The following DRC1 variants were observed in gnomAD, a reference collection of about 807,000 sequenced individuals.
DRC1 encodes the protein dynein regulatory complex protein 1.
Under a neutral mutation model 98.7 loss-of-function variants are expected in DRC1, and 74 were observed. That is an observed-to-expected ratio of 0.75 (90% CI 0.62 to 0.91). DRC1 has a LOEUF of 0.91. Ranked by LOEUF, DRC1 falls within the 40% of genes least tolerant of loss-of-function variation. The probability of loss-of-function intolerance (pLI) is 0.00; values close to 1 mark genes in which losing one functional copy is unlikely to be tolerated. For synonymous variants in DRC1, 336 were observed against 334.1 expected, an observed-to-expected ratio of 1.01 and a Z score of -0.06; for missense variants, 875 against 886.0, an observed-to-expected ratio of 0.99 and a Z score of 0.16.
intron 16 of DRC1, among the ~76,000 whole-genome samples, chr2:26,455,901 G>A (rs947400305): frequency 2.0e-5 from 3 of 151,500 alleles, no homozygotes; most frequent in African/African-American, 7.3e-5. Flanking sequence ...AGCTGGGGCT[G>A]TAGGCCAGGA....
intron 4 of DRC1, among the ~76,000 whole-genome samples, chr2:26,425,136 A>AT (rs1012268791): frequency 1.9e-4 from 29 of 152,134 alleles, no homozygotes; most frequent in African/African-American, 7.0e-4. Flanking sequence ...TGTTTCTGTG[A>AT]TTTTGACTAC....
rs373317143 is a variant in DRC1, at chr2:26,454,832, G to C, written c.2063+42G>C. ...TGGAGCAGGAGGGTGCTGGCGGGCA[G>C]GTGAGGAACGGTTGTTGGGAGCAGC... is the stretch of plus-strand genomic sequence containing the variant. On this transcript the variant is annotated intron_variant, in intron 15 of 16. Transcript: ENST00000288710. This position sits in a 1 kb window ranked among gnomAD's most constrained non-coding sequence, Gnocchi z 5.2. 2 of 1,611,996 alleles carry C rather than the reference G, an allele frequency of 1.2e-6. No individual in the cohort carries two copies. Among genetic ancestry groups the C allele is most frequent in the African/African-American group, 2.7e-5 (2 of 74,862 alleles).
chr2:26,430,885 G>A lies in DRC1; in HGVS notation c.765+13G>A. On this transcript the variant is annotated intron_variant, in intron 6 of 16. Transcript: ENST00000288710. ...TAATGCCAAAGAGGTAAAGGGTGGAGCCTGTCAAGAGTGATCCGTGGGGTC... is the reference window on the plus strand; with the variant it reads ...TAATGCCAAAGAGGTAAAGGGTGGAACCTGTCAAGAGTGATCCGTGGGGTC... The A allele has an allele frequency of 6.2e-7, 1 of 1,611,992 alleles. No individual in the cohort carries two copies. The highest frequency in any genetic ancestry group is 8.5e-7 in the Non-Finnish European group (1 of 1,178,870).
In DRC1 at chr2:26,443,673, T is replaced by A. The variant is rs192272129; in HGVS notation, c.1029-549T>A. On this transcript the variant is annotated intron_variant, in intron 8 of 16. Transcript: ENST00000288710. ...CATATCCTTGCGCAAAAGTGGCATT[T>A]CATGTTTGTTTAATGAATACGTGGA... 1.8e-3 allele frequency among the ~76,000 whole-genome samples: 278 copies of A among 152,382 alleles called. 1 individual carries two copies. The highest frequency in any genetic ancestry group is 0.014 in the Middle Eastern group (4 of 294).
intron 1 of DRC1, 147 bp downstream of exon 1, chr2:26,402,291 G>A: frequency 7.6e-7 from 1 of 1,315,988 alleles, no homozygotes. Flanking sequence ...GCGCGCGCCT[G>A]TCATCCCAGC....
intron 4 of DRC1, among the ~76,000 whole-genome samples, chr2:26,429,261 G>A (rs1461985215): frequency 3.3e-5 from 5 of 151,408 alleles, no homozygotes; most frequent in Admixed American, 3.3e-4. Flanking sequence ...CATCTCCCAG[G>A]CTGGTGTGCA....
rs1328116081 is a variant in DRC1 at position 26,447,713 on chromosome 2, C to T, written c.1397-978C>T. Among the ~76,000 whole-genome samples, 5 of 151,132 alleles carry T rather than the reference C, an allele frequency of 3.3e-5. No individual in the cohort carries two copies. In the East Asian group the frequency reaches 1.0e-3, roughly 31 times the overall value. Reference sequence around the variant, plus strand: ...TCCTGAGTAGCTGGGATTACAGGTGCGTGCCACCATGCCCAGCTAATTTTT... The same window carrying T: ...TCCTGAGTAGCTGGGATTACAGGTGTGTGCCACCATGCCCAGCTAATTTTT... On this transcript the variant is annotated intron_variant, in intron 10 of 16. Transcript: ENST00000288710.
chr2:26,436,455 G>A (rs1364733865), intron 7 of DRC1, among the ~76,000 whole-genome samples: 2 of 152,062 alleles, frequency 1.3e-5, no homozygotes, highest in Non-Finnish European at 2.9e-5. Flanking sequence ...GGGACTACAG[G>A]CACATGCCAC....
intron 1 of DRC1, among the ~76,000 whole-genome samples, chr2:26,402,753 T>A (rs964387327): frequency 6.6e-6 from 1 of 152,198 alleles, no homozygotes; most frequent in African/African-American, 2.4e-5. Flanking sequence ...TTGAATGACA[T>A]GGCAGTCCCT....
chr2:26,444,421 A>G lies in DRC1; in HGVS notation c.1163+65A>G, dbSNP rs116240421. ...TAGAGGTGACGGGGATGGAGTTTGT[A>G]CAAGCTGTGATTTCGTTGGACTTGA... On this transcript the variant is annotated intron_variant, in intron 9 of 16. Transcript: ENST00000288710. The G allele has an allele frequency of 7.7e-4, 1,214 of 1,569,786 alleles. 9 individuals are homozygous for G. In the African/African-American group the frequency reaches 0.015, roughly 20 times the overall value.
chr2:26,416,517 T>TAA (rs879918964), intron 2 of DRC1, among the ~76,000 whole-genome samples: 167 of 152,348 alleles, frequency 1.1e-3, no homozygotes, highest in Admixed American at 2.9e-3. Flanking sequence ...GATAGTCTTC[T>TAA]ATCGTTTCTT....
At chr2:26,425,755 T>G (rs1663267149) in intron 4 of DRC1, among the ~76,000 whole-genome samples, 1 of 152,230 alleles carries the variant, frequency 6.6e-6, no homozygotes, top group Non-Finnish European at 1.5e-5. Flanking sequence ...TTTGCTTATT[T>G]TTAAATTGGG....
chr2:26,422,395 G>A (rs1000235012), intron 3 of DRC1, among the ~76,000 whole-genome samples: 5 of 152,180 alleles, frequency 3.3e-5, no homozygotes, highest in African/African-American at 1.2e-4. Flanking sequence ...ATAGAAGGAT[G>A]GAGGTTCACA....
intron 4 of DRC1, among the ~76,000 whole-genome samples, chr2:26,426,626 C>T (rs1320509064): frequency 6.6e-6 from 1 of 152,098 alleles, no homozygotes. Flanking sequence ...CTCAGCCTCC[C>T]AAAATGCTGG....
At position 26,450,097 on chromosome 2, in the gene DRC1, G is replaced by A. The variant is rs1663964032; in HGVS notation, c.1599+12G>A. ...ATGCCATCTTCTCCGTGAGTCCAAC[G>A]GGGCTGGGAGGACACGGGTGGGGCT... On this transcript the variant is annotated intron_variant, in intron 12 of 16. Transcript: ENST00000288710. 13 of 1,608,596 alleles carry A rather than the reference G, an allele frequency of 8.1e-6. No homozygotes were observed. Among genetic ancestry groups the A allele is most frequent in the African/African-American group, 2.7e-5 (2 of 74,844 alleles).
In DRC1 at chr2:26,423,156, A is replaced by C. The variant is rs1040906473; in HGVS notation, c.357-1115A>C. ...CCAGCAGGGTCAGCTTGTGAAAGGC[A>C]GGGAAGGTCATGCAAGGAGTTAGGC... On this transcript the variant is annotated intron_variant, in intron 3 of 16. Coordinates refer to ENST00000288710, the MANE Select transcript of DRC1 (RefSeq NM_145038.5). Among the ~76,000 whole-genome samples the C allele has an allele frequency of 8.5e-5, 13 of 152,186 alleles. No individual in the cohort carries two copies. In the East Asian group the frequency reaches 1.3e-3, roughly 16 times the overall value.
At chr2:26,448,570 A>T in intron 10 of DRC1, 121 bp from the exon 11 acceptor site, 1 of 1,020,230 alleles carries the variant, frequency 9.8e-7, no homozygotes, top group Non-Finnish European at 1.5e-6. Flanking sequence ...AGAATGCCTC[A>T]CAGAGGCTTT....
At position 26,452,477 on chromosome 2, in the gene DRC1, C is replaced by G. The variant is rs561627110; in HGVS notation, c.1690-843C>G. On this transcript the variant is annotated intron_variant, in intron 13 of 16. Coordinates refer to ENST00000288710, the MANE Select transcript of DRC1 (RefSeq NM_145038.5). Reference sequence around the variant, plus strand: ...GTTTCACCATGTTGGCCAGGCTGCTCTCGAACTCCTGACCTCAAATGATCT... The same window carrying G: ...GTTTCACCATGTTGGCCAGGCTGCTGTCGAACTCCTGACCTCAAATGATCT... Among the ~76,000 whole-genome samples the G allele has an allele frequency of 4.6e-5, 7 of 152,324 alleles. No homozygotes were observed. The South Asian group carries it at 1.4e-3, about 32-fold the overall frequency.
At position 26,402,086 on chromosome 2, in the gene DRC1, C is replaced by T; in HGVS notation, c.97C>T (p.Gln33Ter). 1.9e-6 allele frequency: 3 copies of T among 1,613,096 alleles called. No individual in the cohort carries two copies. The highest frequency in any genetic ancestry group is 2.5e-6 in the Non-Finnish European group (3 of 1,179,708). ...LAPSVHSDNS[Q>*]ERIQARRLRI... ...GCCCTCGGTCCACTCCGACAACTCT[C>T]AGGAGCGCATCCAGGCCCGGCGCCT... The change falls in exon 1 of 17, where the codon CAG (glutamine) becomes TAG (stop). Residue 33 changes from glutamine to a stop codon, truncating the protein, a stop_gained. Coordinates refer to ENST00000288710, the MANE Select transcript of DRC1 (RefSeq NM_145038.5). LOFTEE classifies it high-confidence loss of function.
Sources: allele counts gnomAD v4.1 joint callset (sites outside exome capture counted in the v4.1 genomes callset), GRCh38; gene constraint gnomAD v4.1.1; non-coding constraint Gnocchi (gnomAD v3.1); transcripts MANE v1.5; gene names NCBI Gene and HGNC (gene_info 2026-07-23, HGNC 2026-07-21).